SGCZ: variants seen among roughly 807,000 people sequenced by gnomAD.
SGCZ encodes the protein zeta-sarcoglycan.
SGCZ carries 40 observed loss-of-function variants against 41.3 expected under a neutral mutation model. The observed-to-expected ratio is 0.97, with a 90% CI of 0.75 to 1.26. The LOEUF (loss-of-function observed/expected upper bound fraction) is 1.26. Ranked by LOEUF, SGCZ falls within the 50% of genes most tolerant of loss-of-function variation. The probability of loss-of-function intolerance (pLI) is 0.00; values close to 1 mark genes in which losing one functional copy is unlikely to be tolerated. For missense variants in SGCZ, 552 were observed against 369.8 expected, an observed-to-expected ratio of 1.49 and a Z score of -4.04; for synonymous variants, 206 against 137.5, an observed-to-expected ratio of 1.50 and a Z score of -3.49.
chr8:15,021,760 C>A (rs1803256687), intron 1 of SGCZ, among the ~76,000 whole-genome samples: 1 of 152,196 alleles, frequency 6.6e-6, no homozygotes, highest in Non-Finnish European at 1.5e-5. Context: ...CCTATTCTTT[C>A]TAGCCAAATG....
At chr8:14,961,599 A>C (rs1036828110) in intron 1 of SGCZ, among the ~76,000 whole-genome samples, 3 of 152,190 alleles carry the variant, frequency 2.0e-5, no homozygotes, top group Non-Finnish European at 4.4e-5. Context: ...TTTATCACAT[A>C]GTATATGATA....
intron 2 of SGCZ, among the ~76,000 whole-genome samples, chr8:14,357,728 T>C (rs1031213834): frequency 6.6e-6 from 1 of 152,122 alleles, no homozygotes; most frequent in Admixed American, 6.6e-5. Context: ...CGTTAGCAAA[T>C]GGGTAACATT....
At chr8:14,268,993 G>T (rs576114975) in intron 3 of SGCZ, among the ~76,000 whole-genome samples, 1 of 151,540 alleles carries the variant, frequency 6.6e-6, no homozygotes, top group African/African-American at 2.4e-5. Flanking sequence ...CCTGTAAATA[G>T]AAAATAGAAG....
intron 1 of SGCZ, among the ~76,000 whole-genome samples, chr8:14,668,847 A>G (rs1807999496): frequency 6.6e-6 from 1 of 152,136 alleles, no homozygotes; most frequent in Admixed American, 6.5e-5. Context: ...TGAGGATTTG[A>G]TATCCTTATA....
intron 1 of SGCZ, among the ~76,000 whole-genome samples, chr8:14,650,608 A>C (rs1043511858): frequency 6.6e-6 from 1 of 151,852 alleles, no homozygotes; most frequent in Non-Finnish European, 1.5e-5. Flanking sequence ...GTTATCTTTA[A>C]TATTAAGCTG....
intron 1 of SGCZ, among the ~76,000 whole-genome samples, chr8:15,008,798 AGGGGAGGAGGGAGGGACGGAGG>A (rs1802714429): frequency 4.5e-5 from 1 of 22,262 alleles, no homozygotes; most frequent in African/African-American, 1.9e-4. Context: ...GGACGGAGGG[AGGGGAGGAGGGAGGGACGGAGG>A]GAGGAAGGGA....
chr8:14,369,266 C>G (rs1342067520), intron 2 of SGCZ, among the ~76,000 whole-genome samples: 1 of 151,936 alleles, frequency 6.6e-6, no homozygotes, highest in Non-Finnish European at 1.5e-5. Context: ...CATTTAATTG[C>G]CATGTCTCTC....
chr8:15,082,690 C>T (rs944250116), intron 1 of SGCZ, among the ~76,000 whole-genome samples: 2 of 152,142 alleles, frequency 1.3e-5, no homozygotes, highest in African/African-American at 4.8e-5. Flanking sequence ...CAATTTACAT[C>T]TATTATCCCT....
intron 1 of SGCZ, among the ~76,000 whole-genome samples, chr8:14,698,636 G>T (rs534684674): frequency 1.3e-5 from 2 of 151,756 alleles, no homozygotes; most frequent in African/African-American, 4.8e-5. Flanking sequence ...GTGTGGGGGG[G>T]TATAATCATG....
intron 2 of SGCZ, among the ~76,000 whole-genome samples, chr8:14,335,606 C>A (rs558116568): frequency 6.6e-6 from 1 of 152,154 alleles, no homozygotes; most frequent in Admixed American, 6.5e-5. Context: ...AAATCAAGCT[C>A]CTGCCACAGG....
chr8:15,176,243 T>C (rs532228988), intron 1 of SGCZ, among the ~76,000 whole-genome samples: 72 of 152,286 alleles, frequency 4.7e-4, no homozygotes, highest in African/African-American at 1.6e-3. Context: ...AAAGTTACTG[T>C]CTAGGGAAGT....
At chr8:14,143,102 T>C (rs1344177969) in intron 5 of SGCZ, among the ~76,000 whole-genome samples, 2 of 152,002 alleles carry the variant, frequency 1.3e-5, no homozygotes, top group Admixed American at 6.6e-5. Context: ...ATTTGGTGCT[T>C]AATATAACGC....
At chr8:14,715,883 T>C (rs1809672998) in intron 1 of SGCZ, among the ~76,000 whole-genome samples, 1 of 152,094 alleles carries the variant, frequency 6.6e-6, no homozygotes, top group Non-Finnish European at 1.5e-5. Context: ...TTATCATCAG[T>C]AGGAGCTGGC....
chr8:14,515,950 T>C (rs1306240912), intron 2 of SGCZ, among the ~76,000 whole-genome samples: 4 of 152,108 alleles, frequency 2.6e-5, no homozygotes, highest in Admixed American at 6.6e-5. Context: ...CAGTAAGCAA[T>C]ACCTTGTTGG....
chr8:14,911,840 A>G (rs1017102776), intron 1 of SGCZ, among the ~76,000 whole-genome samples: 1 of 151,910 alleles, frequency 6.6e-6, no homozygotes, highest in Non-Finnish European at 1.5e-5. Flanking sequence ...TTATCTCTAC[A>G]TGGAAATTCA....
At chr8:14,284,262 C>T (rs959693062) in intron 3 of SGCZ, among the ~76,000 whole-genome samples, 1 of 152,084 alleles carries the variant, frequency 6.6e-6, no homozygotes, top group African/African-American at 2.4e-5. Flanking sequence ...GGTGGTGGTA[C>T]ACAGCTTTTG....
chr8:14,989,396 G>A (rs1173271451), intron 1 of SGCZ, among the ~76,000 whole-genome samples: 1 of 152,018 alleles, frequency 6.6e-6, no homozygotes, highest in African/African-American at 2.4e-5. Flanking sequence ...TGAGGTGGGA[G>A]GATTGCTTGA....
intron 4 of SGCZ, among the ~76,000 whole-genome samples, chr8:14,233,087 TAAAC>T (rs941757923): frequency 4.4e-4 from 67 of 152,030 alleles, no homozygotes; most frequent in African/African-American, 1.4e-3. Context: ...AACGAACAAA[TAAAC>T]AAACAAAACA....
chr8:14,454,867 C>G (rs940840496), intron 2 of SGCZ, among the ~76,000 whole-genome samples: 1 of 152,048 alleles, frequency 6.6e-6, no homozygotes, highest in Non-Finnish European at 1.5e-5. Flanking sequence ...ACATCATACA[C>G]GACAATAAAC....
Sources: gnomAD v4.1 joint callset for allele counts (sites outside exome capture counted in the v4.1 genomes callset) on GRCh38, gnomAD v4.1.1 for gene constraint, MANE v1.5 for transcripts, NCBI Gene and HGNC (gene_info 2026-07-23, HGNC 2026-07-21) for gene names.